EYS: variants seen among roughly 807,000 people sequenced by gnomAD.
EYS encodes protein eyes shut homolog.
A neutral mutation model predicts 282.1 loss-of-function variants in EYS; 250 were observed. The ratio of observed to expected loss-of-function variants is 0.89; its 90% CI spans 0.80 to 0.98. The LOEUF (loss-of-function observed/expected upper bound fraction) is 0.98, where lower values mean the gene tolerates loss of function less well. EYS is among the 50% of genes least tolerant of loss of function. EYS has a pLI of 0.00. For synonymous variants in EYS, 1,355 were observed against 1,282.9 expected (o/e 1.06, Z -1.20); for missense variants, 4,016 against 3,709.0 (o/e 1.08, Z -2.15).
At chr6:65,138,391 C>T (rs942828934) in intron 12 of EYS, among the ~76,000 whole-genome samples, 14 of 151,756 alleles carry the variant, frequency 9.2e-5, no homozygotes, top group African/African-American at 2.7e-4. Context: ...CTACTACCAG[C>T]GATATTTGGA....
chr6:64,422,759 T>C (rs1774276430), intron 28 of EYS, among the ~76,000 whole-genome samples: 1 of 152,228 alleles, frequency 6.6e-6, no homozygotes, highest in Non-Finnish European at 1.5e-5. Flanking sequence ...GCATAATGTC[T>C]ATGTTAATCT....
intron 22 of EYS, among the ~76,000 whole-genome samples, chr6:64,629,675 A>G (rs1320298468): frequency 1.3e-5 from 2 of 152,020 alleles, no homozygotes; most frequent in Non-Finnish European, 2.9e-5. Flanking sequence ...CTTCTTTCCG[A>G]TATTCCAGTG....
intron 30 of EYS, among the ~76,000 whole-genome samples, chr6:64,236,022 A>G (rs955452440): frequency 2.6e-5 from 4 of 152,240 alleles, no homozygotes; most frequent in African/African-American, 9.6e-5. Context: ...CACAACCAAA[A>G]AAGAGAATTT....
chr6:65,021,166 C>A (rs1257473121), intron 13 of EYS, among the ~76,000 whole-genome samples: 1 of 152,204 alleles, frequency 6.6e-6, no homozygotes, highest in African/African-American at 2.4e-5. Context: ...GTTTGAATTT[C>A]TCCCCAGAAA....
chr6:65,616,801 A>AG (rs1294178199), intron 2 of EYS, among the ~76,000 whole-genome samples: 1 of 152,050 alleles, frequency 6.6e-6, no homozygotes, highest in African/African-American at 2.4e-5. Context: ...CAAAAAAAAA[A>AG]AGTAAGCCTT....
intron 31 of EYS, among the ~76,000 whole-genome samples, chr6:64,126,542 C>T (rs539104859): frequency 5.9e-5 from 9 of 152,124 alleles, no homozygotes; most frequent in East Asian, 3.9e-4. Context: ...GGTTCTTCCA[C>T]CAAAACATCA....
chr6:65,188,686 G>A (rs889260689), intron 12 of EYS, among the ~76,000 whole-genome samples: 2 of 149,108 alleles, frequency 1.3e-5, no homozygotes, highest in Non-Finnish European at 1.5e-5. Flanking sequence ...GTAATCACAC[G>A]GGTCTTTAAA....
At chr6:64,319,125 T>C (rs1770097064) in intron 29 of EYS, among the ~76,000 whole-genome samples, 1 of 152,008 alleles carries the variant, frequency 6.6e-6, no homozygotes, top group Non-Finnish European at 1.5e-5. Context: ...TAGTCTTTGC[T>C]GTCTACTGTA....
In EYS at chr6:63,984,352, G is replaced by C. The variant is rs59755848; in HGVS notation, c.7055+31C>G. The C allele has an allele frequency of 8.4e-6, 12 of 1,420,472 alleles. No individual in the cohort carries two copies. In the South Asian group the frequency reaches 1.5e-4, roughly 17 times the overall value. The allele number at this position is 1,420,472 out of a possible 1,614,324, so 88.0% of individuals were successfully genotyped here. A position where few individuals can be genotyped will look rare whatever the true frequency, so the allele number is the denominator to read the frequency against. On this transcript the variant is annotated intron_variant, in intron 35 of 42. Coordinates refer to ENST00000503581, the MANE Select transcript of EYS (RefSeq NM_001142800.2). The stretch of plus-strand genomic sequence containing the variant: ...TTTTAAGAATTTGGAGTCATGTAAC[G>C]TAGGTTGGGAATCAGGAGACTAATA...
At chr6:64,007,438 G>T (rs1216884273) in intron 33 of EYS, among the ~76,000 whole-genome samples, 2 of 150,860 alleles carry the variant, frequency 1.3e-5, no homozygotes, top group African/African-American at 4.9e-5. Context: ...TTTTAAAAAA[G>T]AAACACATAG....
At chr6:65,403,487 C>T (rs1035978345) in intron 6 of EYS, among the ~76,000 whole-genome samples, 13 of 151,624 alleles carry the variant, frequency 8.6e-5, no homozygotes, top group East Asian at 1.9e-4. Flanking sequence ...GTAAAAAGCC[C>T]GTATACTTAA....
intron 1 of EYS, among the ~76,000 whole-genome samples, chr6:65,685,047 C>T (rs1768966767): frequency 6.6e-6 from 1 of 151,902 alleles, no homozygotes; most frequent in Admixed American, 6.6e-5. Flanking sequence ...AATGGGCTGG[C>T]TCCTGTTATT....
intron 41 of EYS, among the ~76,000 whole-genome samples, chr6:63,728,419 C>A (rs1016333146): frequency 6.6e-6 from 1 of 151,530 alleles, no homozygotes; most frequent in Non-Finnish European, 1.5e-5. Flanking sequence ...TAAAAGTACA[C>A]TTTATTTTTT....
At chr6:64,161,825 T>C (rs1416693242) in intron 31 of EYS, among the ~76,000 whole-genome samples, 2 of 152,184 alleles carry the variant, frequency 1.3e-5, no homozygotes, top group Admixed American at 6.5e-5. Context: ...TTGTAAGATA[T>C]TGATATTATT....
intron 12 of EYS, among the ~76,000 whole-genome samples, chr6:65,285,825 T>A (rs557914597): frequency 1.3e-5 from 2 of 152,084 alleles, no homozygotes; most frequent in South Asian, 4.1e-4. Context: ...TTGACAACTA[T>A]ATCATTTAAC....
chr6:64,095,012 C>G (rs1021264634), intron 31 of EYS, among the ~76,000 whole-genome samples: 2 of 152,078 alleles, frequency 1.3e-5, no homozygotes, highest in African/African-American at 4.8e-5. Context: ...TCATTATGTA[C>G]CCAGTAGTCA....
intron 31 of EYS, among the ~76,000 whole-genome samples, chr6:64,189,565 G>C (rs1225915630): frequency 6.6e-6 from 1 of 152,122 alleles, no homozygotes; most frequent in East Asian, 1.9e-4. Context: ...AGGTGTTGCC[G>C]TGAAGGTGTT....
At chr6:65,003,930 C>T (rs1246652306) in intron 13 of EYS, among the ~76,000 whole-genome samples, 1 of 147,322 alleles carries the variant, frequency 6.8e-6, no homozygotes, top group Non-Finnish European at 1.5e-5. Context: ...TGTGTCTCAA[C>T]AAAATTACCC....
chr6:65,513,150 T>A (rs1186114692), intron 2 of EYS, among the ~76,000 whole-genome samples: 1 of 152,200 alleles, frequency 6.6e-6, no homozygotes, highest in Non-Finnish European at 1.5e-5. Context: ...CATCAGAGAA[T>A]ACTACAAACA....
Sources: gnomAD v4.1 joint callset for allele counts (sites outside exome capture counted in the v4.1 genomes callset) on GRCh38, gnomAD v4.1.1 for gene constraint, MANE v1.5 for transcripts, NCBI Gene and HGNC (gene_info 2026-07-23, HGNC 2026-07-21) for gene names.